HTR2B: variants seen among roughly 807,000 people sequenced by gnomAD.
The protein encoded by HTR2B is 5-HT 2B receptor.
A neutral mutation model predicts 39.8 loss-of-function variants in HTR2B; 31 were observed. The ratio of observed to expected loss-of-function variants is 0.78; its 90% CI spans 0.58 to 1.05. The LOEUF (loss-of-function observed/expected upper bound fraction) is 1.05. Among genes scored for constraint, HTR2B ranks in the 50% least tolerant of loss-of-function variants. The probability of loss-of-function intolerance (pLI) is 0.00; values close to 1 mark genes in which losing one functional copy is unlikely to be tolerated. For synonymous variants in HTR2B, 210 were observed against 207.1 expected, an observed-to-expected ratio of 1.01 and a Z score of -0.12; for missense variants, 562 against 578.0, an observed-to-expected ratio of 0.97 and a Z score of 0.28.
In HTR2B at chr2:231,108,632, C is replaced by CT. The variant is rs775793306; in HGVS notation, c.1330dup (p.Ser444LysfsTer25). On this transcript the variant is annotated frameshift_variant, in exon 4 of 4. Coordinates refer to ENST00000258400, the MANE Select transcript of HTR2B (RefSeq NM_000867.5). LOFTEE classifies it high-confidence loss of function. ...GGTTGAACTTCGGAGCCTCATTGGA[C>CT]TCTGGTACATGGCAGGGTTAATCCC... The CT allele has an allele frequency of 6.8e-6, 11 of 1,614,014 alleles. No homozygotes were observed. In the South Asian group the frequency reaches 1.2e-4, roughly 18 times the overall value.
chr2:231,116,298 G>GT (rs1695329165), intron 2 of HTR2B, among the ~76,000 whole-genome samples: 1 of 152,142 alleles, frequency 6.6e-6, no homozygotes. Flanking sequence ...ATTTAGGACT[G>GT]TAAGTAGGGT....
rs1695070581 is a variant in HTR2B, at chr2:231,109,180, C to A, written c.783G>T (p.Trp261Cys). 1.2e-6 allele frequency: 2 copies of A among 1,614,050 alleles called. No individual in the cohort carries two copies. The highest frequency in any genetic ancestry group is 3.3e-5 in the Admixed American group (2 of 59,992). The change falls in exon 4 of 4, where the codon TGG becomes TGT. Residue 261 changes from tryptophan (W) to cysteine (C), a missense_variant. Transcript: ENST00000258400. ...VKNKPPQRLT[W>C]LTVSTVFQRD... is the part of the protein sequence containing the mutation. ...TTTGGAAAACTGTAGACACAGTCAA[C>A]CATGTTAGGCGTTGAGGTGGCTTGT...
chr2:231,110,499 G>A (rs1695121537), intron 3 of HTR2B, among the ~76,000 whole-genome samples: 1 of 152,166 alleles, frequency 6.6e-6, no homozygotes, highest in Non-Finnish European at 1.5e-5. Flanking sequence ...TTTTTTAAAT[G>A]TCTGAATTAA....
intron 2 of HTR2B, among the ~76,000 whole-genome samples, chr2:231,121,517 G>T (rs1487261169): frequency 6.6e-6 from 1 of 152,048 alleles, no homozygotes; most frequent in Non-Finnish European, 1.5e-5. Context: ...AACTTGTATT[G>T]CTAAGGATAT....
In HTR2B at chr2:231,113,841, A is replaced by G. The variant is rs769030144; in HGVS notation, c.441T>C (p.Cys147=). 6.2e-7 allele frequency: 1 copy of G among 1,614,166 alleles called. No individual in the cohort carries two copies. Among genetic ancestry groups the G allele is most frequent in the Non-Finnish European group, 8.5e-7 (1 of 1,179,998 alleles). Reference sequence around the variant, plus strand: ...CTATGTAACGATCCACTGAAATGGCACAGAGATGCATGATGGATGCGGTTG... The same window carrying G: ...CTATGTAACGATCCACTGAAATGGCGCAGAGATGCATGATGGATGCGGTTG... ...LFSTASIMHL[C]AISVDRYIAI... is the part of the protein sequence containing the mutation. Residue 147 remains cysteine, a synonymous_variant, in exon 3 of 4, where the codon TGT becomes TGC. Transcript: ENST00000258400.
intron 3 of HTR2B, among the ~76,000 whole-genome samples, chr2:231,109,815 C>G (rs1228220328): frequency 5.9e-5 from 9 of 152,162 alleles, no homozygotes; most frequent in Non-Finnish European, 8.8e-5. Context: ...AGAGGCACTT[C>G]AGAGTACATT....
chr2:231,115,756 T>C (rs959070939), intron 2 of HTR2B, among the ~76,000 whole-genome samples: 6 of 152,146 alleles, frequency 3.9e-5, no homozygotes, highest in Non-Finnish European at 8.8e-5. Context: ...AAATGTTATC[T>C]GAAAGTGTTA....
intron 2 of HTR2B, among the ~76,000 whole-genome samples, chr2:231,120,027 A>G (rs1398401094): frequency 6.9e-6 from 1 of 145,758 alleles, no homozygotes; most frequent in East Asian, 2.0e-4. Flanking sequence ...ATCTCGGCTC[A>G]CTGCAACTCT....
At chr2:231,116,203 A>G (rs1164278954) in intron 2 of HTR2B, among the ~76,000 whole-genome samples, 4 of 152,194 alleles carry the variant, frequency 2.6e-5, no homozygotes, top group African/African-American at 9.7e-5. Context: ...GCGAACTAAC[A>G]GTCTAAGTAT....
At chr2:231,116,871 CAA>C (rs763050291) in intron 2 of HTR2B, among the ~76,000 whole-genome samples, 5 of 151,950 alleles carry the variant, frequency 3.3e-5, no homozygotes, top group Non-Finnish European at 7.4e-5. Flanking sequence ...TTTCTCATTT[CAA>C]GTTTCGTGAA....
At position 231,108,980 on chromosome 2, in the gene HTR2B, ATC is replaced by A; in HGVS notation, c.981_982del (p.Ile328CysfsTer23). On this transcript the variant is annotated frameshift_variant, in exon 4 of 4. Transcript: ENST00000258400. LOFTEE classifies it high-confidence loss of function. ...CATAAGCAAAAAGAGGAAAAACACA[ATC>A]CCTAGGACCTTTGAGGCTCTCTGTT... 6.2e-7 allele frequency: 1 copy of A among 1,614,190 alleles called. No individual in the cohort carries two copies. Among genetic ancestry groups the A allele is most frequent in the East Asian group, 2.2e-5 (1 of 44,886 alleles).
In HTR2B at chr2:231,123,676, T is replaced by A; in HGVS notation, c.89A>T (p.Asn30Ile). The part of the protein sequence containing the change: ...QSTFVHVISS[N>I]WSGLQTESIP... Reference sequence around the variant, plus strand: ...TGATTCTGTCTGTAATCCAGACCAGTTAGAAGAGATAACGTGAACAAAGGT... The same window carrying A: ...TGATTCTGTCTGTAATCCAGACCAGATAGAAGAGATAACGTGAACAAAGGT... Residue 30 changes from asparagine to isoleucine, a missense_variant, in exon 2 of 4, where the codon AAC (asparagine) becomes ATC (isoleucine). Physicochemically the swap from Asn to Ile is moderately radical, Grantham distance 149 (BLOSUM62 -3). Coordinates refer to ENST00000258400, the MANE Select transcript of HTR2B (RefSeq NM_000867.5). 1 of 1,613,966 alleles carries A rather than the reference T, an allele frequency of 6.2e-7. No homozygotes were observed. Among genetic ancestry groups the A allele is most frequent in the Non-Finnish European group, 8.5e-7 (1 of 1,179,828 alleles).
chr2:231,119,471 C>T (rs1342595315), intron 2 of HTR2B, among the ~76,000 whole-genome samples: 1 of 152,128 alleles, frequency 6.6e-6, no homozygotes, highest in Non-Finnish European at 1.5e-5. Flanking sequence ...AGGATTCAGA[C>T]CCTGGGATGT....
intron 2 of HTR2B, among the ~76,000 whole-genome samples, chr2:231,120,015 C>G (rs1342131536): frequency 1.3e-5 from 2 of 150,610 alleles, no homozygotes; most frequent in Non-Finnish European, 3.0e-5. Flanking sequence ...TGCAGTGGCA[C>G]CATCTCGGCT....
chr2:231,124,413 G>A (rs781618167), intron 1 of HTR2B, among the ~76,000 whole-genome samples: 3 of 151,994 alleles, frequency 2.0e-5, no homozygotes, highest in Non-Finnish European at 2.9e-5. Flanking sequence ...CAATAGTTCA[G>A]AATAGAACTT....
intron 2 of HTR2B, among the ~76,000 whole-genome samples, chr2:231,115,921 A>G (rs1370149801): frequency 6.6e-6 from 1 of 152,128 alleles, no homozygotes; most frequent in Non-Finnish European, 1.5e-5. Flanking sequence ...TATGCAAATT[A>G]ACATTTGAGA....
At chr2:231,116,906 A>C (rs1574744892) in intron 2 of HTR2B, among the ~76,000 whole-genome samples, 1 of 152,200 alleles carries the variant, frequency 6.6e-6, no homozygotes, top group East Asian at 1.9e-4. Context: ...AGTTTTAATG[A>C]AACTAATATA....
intron 3 of HTR2B, among the ~76,000 whole-genome samples, chr2:231,110,436 A>C (rs2125207505): frequency 6.6e-6 from 1 of 152,350 alleles, no homozygotes; most frequent in South Asian, 2.1e-4. Context: ...CTTATTAGAA[A>C]GACAAATAAT....
intron 2 of HTR2B, among the ~76,000 whole-genome samples, chr2:231,122,776 A>G (rs1474491207): frequency 2.0e-5 from 3 of 152,150 alleles, no homozygotes; most frequent in Admixed American, 2.0e-4. Context: ...AGGAACACAG[A>G]TGCCCATATA....
Sources: gnomAD v4.1 joint callset for allele counts (sites outside exome capture counted in the v4.1 genomes callset) on GRCh38, gnomAD v4.1.1 for gene constraint, MANE v1.5 for transcripts, NCBI Gene and HGNC (gene_info 2026-07-23, HGNC 2026-07-21) for gene names.